The following MGAT4C variants were observed in gnomAD, a reference collection of about 807,000 sequenced individuals.
MGAT4C encodes the protein MGAT4 family member C, also known as alpha-1,3-mannosyl-glycoprotein 4-beta-N-acetylglucosaminyltransferase C.
MGAT4C carries 19 observed loss-of-function variants against 40.1 expected under a neutral mutation model. The observed-to-expected ratio is 0.47, with a 90% CI of 0.33 to 0.70. The LOEUF (loss-of-function observed/expected upper bound fraction) is 0.70. Ranked by LOEUF, MGAT4C falls within the 30% of genes least tolerant of loss-of-function variation. MGAT4C has a pLI of 0.02. For synonymous variants in MGAT4C, 181 were observed against 187.1 expected (o/e 0.97, Z 0.27); for missense variants, 491 against 563.2 (o/e 0.87, Z 1.30).
chr12:86,327,501 TG>T (rs1360037129), intron 4 of MGAT4C, among the ~76,000 whole-genome samples: 7 of 152,094 alleles, frequency 4.6e-5, no homozygotes, highest in African/African-American at 7.2e-5. Flanking sequence ...TTTGAAAACT[TG>T]TGGTTCATGA....
chr12:86,782,105 G>T (rs1256408898), intron 1 of MGAT4C, among the ~76,000 whole-genome samples: 1 of 149,102 alleles, frequency 6.7e-6, no homozygotes, highest in Non-Finnish European at 1.5e-5. Flanking sequence ...CCATTCTCCT[G>T]CCTCAGCCTT....
chr12:86,676,205 T>A (rs921770632), intron 2 of MGAT4C, among the ~76,000 whole-genome samples: 1 of 151,922 alleles, frequency 6.6e-6, no homozygotes, highest in Non-Finnish European at 1.5e-5. Flanking sequence ...AGAATACCAA[T>A]CAGGAGAAAA....
intron 2 of MGAT4C, among the ~76,000 whole-genome samples, chr12:86,469,028 G>A (rs990783413): frequency 6.6e-6 from 1 of 151,824 alleles, no homozygotes; most frequent in East Asian, 1.9e-4. Flanking sequence ...GTCATTCATT[G>A]TCTCTTACCT....
intron 1 of MGAT4C, among the ~76,000 whole-genome samples, chr12:86,763,491 T>A (rs1165594496): frequency 1.3e-5 from 2 of 152,340 alleles, no homozygotes; most frequent in East Asian, 3.9e-4. Flanking sequence ...TATTATGTAC[T>A]CAATTTATAA....
At chr12:86,484,881 C>G (rs1317034123) in intron 2 of MGAT4C, among the ~76,000 whole-genome samples, 1 of 152,110 alleles carries the variant, frequency 6.6e-6, no homozygotes. Flanking sequence ...CCAAAAAGCA[C>G]CACTGTGAAT....
chr12:86,032,596 C>T (rs1313879075), intron 2 of MGAT4C, among the ~76,000 whole-genome samples: 1 of 149,724 alleles, frequency 6.7e-6, no homozygotes, highest in Non-Finnish European at 1.5e-5. Flanking sequence ...CCTTTGCCCA[C>T]TACATAATGG....
At chr12:86,675,575 C>A (rs1478564604) in intron 2 of MGAT4C, among the ~76,000 whole-genome samples, 1 of 152,178 alleles carries the variant, frequency 6.6e-6, no homozygotes, top group Non-Finnish European at 1.5e-5. Context: ...TGGTTCTCAA[C>A]TCTGGCTGCA....
chr12:86,138,992 G>C (rs1278380930), intron 1 of MGAT4C, among the ~76,000 whole-genome samples: 1 of 152,070 alleles, frequency 6.6e-6, no homozygotes, highest in Non-Finnish European at 1.5e-5. Flanking sequence ...AATGGAAAAT[G>C]CTGTGTCCTT....
chr12:86,258,923 T>G (rs1952597749), upstream of MGAT4C, among the ~76,000 whole-genome samples: 1 of 152,012 alleles, frequency 6.6e-6, no homozygotes, highest in Admixed American at 6.6e-5. Flanking sequence ...AGTGAATCTT[T>G]ATCACATACA....
intron 4 of MGAT4C, among the ~76,000 whole-genome samples, chr12:86,294,439 C>T (rs1953610064): frequency 1.3e-5 from 2 of 152,062 alleles, no homozygotes; most frequent in Admixed American, 1.3e-4. Flanking sequence ...TTATTATCTT[C>T]CTGTCTAGCA....
At chr12:86,142,254 C>G (rs1882937425) in intron 1 of MGAT4C, among the ~76,000 whole-genome samples, 1 of 152,062 alleles carries the variant, frequency 6.6e-6, no homozygotes, top group African/African-American at 2.4e-5. Context: ...AAAGTGAGGC[C>G]ACACACAGAG....
At chr12:86,514,067 AACACACACACAC>A (rs71078908) in intron 2 of MGAT4C, among the ~76,000 whole-genome samples, 45 of 134,020 alleles carry the variant, frequency 3.4e-4, no homozygotes, top group East Asian at 1.8e-3. Flanking sequence ...GCCATGCACC[AACACACACACAC>A]ACACACACAC....
At chr12:86,002,806 T>G (rs2136781597) in intron 2 of MGAT4C, among the ~76,000 whole-genome samples, 1 of 151,930 alleles carries the variant, frequency 6.6e-6, no homozygotes, top group South Asian at 2.1e-4. Flanking sequence ...TAGTACTTTC[T>G]TTTTGTGTTT....
intron 1 of MGAT4C, among the ~76,000 whole-genome samples, chr12:86,738,796 G>T (rs1951021849): frequency 6.6e-6 from 1 of 150,958 alleles, no homozygotes; most frequent in Admixed American, 6.6e-5. Context: ...TAGGACTTTG[G>T]GGTTGAATTT....
chr12:86,534,621 G>A (rs1959039919), intron 2 of MGAT4C, among the ~76,000 whole-genome samples: 1 of 151,992 alleles, frequency 6.6e-6, no homozygotes, highest in Non-Finnish European at 1.5e-5. Context: ...CCTTTAAATA[G>A]GCCAGGAGAA....
intron 1 of MGAT4C, among the ~76,000 whole-genome samples, chr12:86,144,482 T>TA (rs1169735168): frequency 6.6e-6 from 1 of 152,164 alleles, no homozygotes; most frequent in East Asian, 1.9e-4. Context: ...AAAGAATTGG[T>TA]ATGTGTGACC....
At chr12:86,464,540 G>T (rs1957652166) in intron 2 of MGAT4C, among the ~76,000 whole-genome samples, 1 of 152,026 alleles carries the variant, frequency 6.6e-6, no homozygotes, top group African/African-American at 2.4e-5. Flanking sequence ...GTTTTGCTTT[G>T]ATGACTGTAC....
intron 1 of MGAT4C, among the ~76,000 whole-genome samples, chr12:86,836,653 T>C (rs982474493): frequency 3.3e-5 from 5 of 152,074 alleles, no homozygotes; most frequent in African/African-American, 9.7e-5. Flanking sequence ...AGAATGTTAA[T>C]AAGAGGTCAG....
intron 4 of MGAT4C, among the ~76,000 whole-genome samples, chr12:86,327,396 C>A (rs1049558687): frequency 7.2e-5 from 11 of 151,978 alleles, no homozygotes; most frequent in Non-Finnish European, 1.6e-4. Flanking sequence ...AACTTTCACT[C>A]AAAGTGAGTG....
Sources: allele counts gnomAD v4.1 joint callset (sites outside exome capture counted in the v4.1 genomes callset), GRCh38; gene constraint gnomAD v4.1.1; transcripts MANE v1.5; gene names NCBI Gene and HGNC (gene_info 2026-07-23, HGNC 2026-07-21).